Variants in G3BP1 observed in about 807,000 individuals in gnomAD.
The protein encoded by G3BP1 is G3BP stress granule assembly factor 1.
Under a neutral mutation model 58.6 loss-of-function variants are expected in G3BP1, and 35 were observed. The ratio of observed to expected loss-of-function variants is 0.60; its 90% CI spans 0.46 to 0.79. The LOEUF is 0.79. G3BP1 is among the 30% of genes least tolerant of loss of function. The pLI is 0.00. For missense variants in G3BP1, 523 were observed against 580.8 expected (o/e 0.90, Z 1.02); for synonymous variants, 191 against 195.4 (o/e 0.98, Z 0.19).
At chr5:151,800,908 TA>T (rs761058269) in intron 11 of G3BP1, 39 bp downstream of exon 11, 56 of 803,052 alleles carry the variant, frequency 7.0e-5, no homozygotes, top group South Asian at 2.8e-4. Flanking sequence ...TTTTTTTTTT[TA>T]AAAAGGGTTT....
At chr5:151,782,849 C>CTTTTTTT (rs796501774) in intron 1 of G3BP1, among the ~76,000 whole-genome samples, 1 of 73,896 alleles carries the variant, frequency 1.4e-5, no homozygotes, top group Non-Finnish European at 2.5e-5. Flanking sequence ...TGTGACTCAT[C>CTTTTTTT]TTTTTTTTTT....
At position 151,810,407 on chromosome 5, in the gene G3BP1, G is replaced by A. The variant is rs1225180369; in HGVS notation, c.*6316G>A. 3.3e-5 allele frequency: 5 copies of A among 152,202 alleles called. No homozygotes were observed. Among genetic ancestry groups the A allele is most frequent in the Non-Finnish European group, 5.9e-5 (4 of 68,024 alleles). The allele number at this position is 152,202 out of a possible 1,614,324, so 9.4% of individuals were successfully genotyped here. On this transcript the variant is annotated 3_prime_UTR_variant, in exon 12 of 12. Coordinates refer to ENST00000356245, the MANE Select transcript of G3BP1 (RefSeq NM_005754.3). The stretch of plus-strand genomic sequence containing the variant: ...TTCAACAGGAATGGGGAGTAGCCCC[G>A]TTTTGGGGCTGATCTGTCCAGAATT...
In G3BP1 at chr5:151,799,178, G is replaced by A. The variant is rs771912082; in HGVS notation, c.742-34G>A. On this transcript the variant is annotated intron_variant, in intron 7 of 11. Coordinates refer to ENST00000356245, the MANE Select transcript of G3BP1 (RefSeq NM_005754.3). Reference sequence around the variant, plus strand: ...AGCTTTTATATTGTTTTGATACCTGGTATAATTATGTAATGTTGGTATTGC... The same window carrying A: ...AGCTTTTATATTGTTTTGATACCTGATATAATTATGTAATGTTGGTATTGC... The A allele has an allele frequency of 4.0e-6, 4 of 987,896 alleles. No individual in the cohort carries two copies. The East Asian group carries it at 7.1e-5, about 18-fold the overall frequency. 61.2% of individuals were successfully genotyped at this position (987,896 alleles called of 1,614,324 possible).
intron 4 of G3BP1, among the ~76,000 whole-genome samples, chr5:151,793,527 T>C (rs968286580): frequency 6.6e-6 from 1 of 152,144 alleles, no homozygotes; most frequent in Non-Finnish European, 1.5e-5. Flanking sequence ...GCAAACAAAA[T>C]GTATGTGAGT....
At chr5:151,775,577 A>G (rs1225766222) in intron 1 of G3BP1, among the ~76,000 whole-genome samples, 2 of 152,360 alleles carry the variant, frequency 1.3e-5, no homozygotes, top group South Asian at 2.1e-4. Context: ...GGCTTCTCCC[A>G]TATGCTGTTT....
At chr5:151,793,149 C>A (rs1472114171) in intron 4 of G3BP1, among the ~76,000 whole-genome samples, 1 of 152,024 alleles carries the variant, frequency 6.6e-6, no homozygotes, top group South Asian at 2.1e-4. Flanking sequence ...TACTCTGTCG[C>A]CCAGGCTGGA....
chr5:151,774,923 C>G (rs1422629727), intron 1 of G3BP1, among the ~76,000 whole-genome samples: 1 of 130,460 alleles, frequency 7.7e-6, no homozygotes, highest in South Asian at 2.6e-4. Context: ...CAGAAATCAG[C>G]TATTTACTTT....
In G3BP1 at chr5:151,809,725, T is replaced by G. The variant is rs1395499976; in HGVS notation, c.*5634T>G. 6.6e-6 allele frequency: 1 copy of G among 152,210 alleles called. No individual in the cohort carries two copies. The highest frequency in any genetic ancestry group is 2.4e-5 in the African/African-American group (1 of 41,464). The allele number at this position is 152,210 out of a possible 1,614,324, so 9.4% of individuals were successfully genotyped here. A position where few individuals can be genotyped will look rare whatever the true frequency, so the allele number is the denominator to read the frequency against. Reference sequence around the variant, plus strand: ...AGAAGTAATATGGTGATCATCAGTTTAGATTCACTGTAGGAAGGGCAGCCC... The same window carrying G: ...AGAAGTAATATGGTGATCATCAGTTGAGATTCACTGTAGGAAGGGCAGCCC... On this transcript the variant is annotated 3_prime_UTR_variant, in exon 12 of 12. Transcript: ENST00000356245.
intron 7 of G3BP1, among the ~76,000 whole-genome samples, chr5:151,797,830 T>G (rs529780438): frequency 1.9e-3 from 284 of 152,376 alleles, no homozygotes; most frequent in Non-Finnish European, 2.5e-3. Flanking sequence ...TGAAATTTTA[T>G]TGAAGATAAC....
rs754355249 is a variant in G3BP1 at position 151,797,209 on chromosome 5, C to G, written c.540-18C>G. Reference sequence around the variant, plus strand: ...TAAATGGTGGCAGAATGATATTTCTCAAATTTTCCTGTCAAAGTAATGACA... The same window carrying G: ...TAAATGGTGGCAGAATGATATTTCTGAAATTTTCCTGTCAAAGTAATGACA... On this transcript the variant is annotated intron_variant, in intron 6 of 11. Transcript: ENST00000356245. 2.5e-6 allele frequency: 4 copies of G among 1,611,352 alleles called. No homozygotes were observed. The highest frequency in any genetic ancestry group is 3.4e-6 in the Non-Finnish European group (4 of 1,178,488).
chr5:151,789,626 C>G (rs143008281), intron 2 of G3BP1, among the ~76,000 whole-genome samples: 46 of 152,316 alleles, frequency 3.0e-4, no homozygotes, highest in African/African-American at 1.1e-3. Context: ...CACGCTTATT[C>G]TCAGATACAT....
At chr5:151,795,310 C>A (rs1423858734) in intron 5 of G3BP1, among the ~76,000 whole-genome samples, 169 bp from the exon 6 acceptor site, 1 of 152,160 alleles carries the variant, frequency 6.6e-6, no homozygotes, top group East Asian at 1.9e-4. Context: ...GTCTGTTCTT[C>A]AAAGCCTTAG....
At position 151,786,722 on chromosome 5, in the gene G3BP1, C is replaced by T. The variant is rs776398743; in HGVS notation, c.95+7C>T. 7.9e-6 allele frequency: 12 copies of T among 1,511,044 alleles called. No homozygotes were observed. Among genetic ancestry groups the T allele is most frequent in the Non-Finnish European group, 1.1e-5 (12 of 1,086,114 alleles). The allele number at this position is 1,511,044 out of a possible 1,614,324, so 93.6% of individuals were successfully genotyped here. ...CCCCAGACATGCTGCATAGGTAAGACATTTTTCTCCTGCATCATCTAATGC... is the reference window on the plus strand; with the variant it reads ...CCCCAGACATGCTGCATAGGTAAGATATTTTTCTCCTGCATCATCTAATGC... On this transcript the variant is annotated splice_region_variant and intron_variant, in intron 2 of 11. Coordinates refer to ENST00000356245, the MANE Select transcript of G3BP1 (RefSeq NM_005754.3).
In G3BP1 at chr5:151,799,940, C is replaced by A. The variant is rs770384260; in HGVS notation, c.895C>A (p.Arg299=). 1.2e-6 allele frequency: 2 copies of A among 1,613,490 alleles called. No individual in the cohort carries two copies. The highest frequency in any genetic ancestry group is 2.2e-5 in the South Asian group (2 of 91,076). The change falls in exon 9 of 12, where the codon CGG becomes AGG. Residue 299 remains arginine (R), a synonymous_variant. Transcript: ENST00000356245. ...ESQIPPQRPQ[R]DQRVREQRIN... is the part of the protein sequence containing the mutation. ...TCAGATTCCACCACAAAGACCTCAG[C>A]GGGATCAAAGAGTGCGAGAACAACG...
In G3BP1 at chr5:151,790,921, C is replaced by A; in HGVS notation, c.210C>A (p.Phe70Leu). The change falls in exon 4 of 12, where the codon TTC (phenylalanine) becomes TTA (leucine). Residue 70 changes from phenylalanine to leucine, a missense_variant. Physicochemically the swap from Phe to Leu is conservative, Grantham distance 22 (BLOSUM62 0). Transcript: ENST00000356245. Reference protein sequence around the residue: ...EIHRKVMSQNFTNCHTKIRHV... With the variant: ...EIHRKVMSQNLTNCHTKIRHV... ...ACAGGAAAGTGATGTCACAAAACTT[C>A]ACCAACTGCCACACCAAGATTCGCC... is the stretch of plus-strand genomic sequence containing the variant. 6.2e-7 allele frequency: 1 copy of A among 1,606,260 alleles called. No homozygotes were observed. The highest frequency in any genetic ancestry group is 8.5e-7 in the Non-Finnish European group (1 of 1,174,988).
intron 1 of G3BP1, among the ~76,000 whole-genome samples, chr5:151,783,093 G>A (rs1375279219): frequency 6.6e-6 from 1 of 151,886 alleles, no homozygotes; most frequent in Non-Finnish European, 1.5e-5. Context: ...TCCTGACCTC[G>A]TGATCCGCCT....
intron 11 of G3BP1, among the ~76,000 whole-genome samples, chr5:151,802,965 A>G (rs1006377221): frequency 6.6e-6 from 1 of 152,102 alleles, no homozygotes; most frequent in Non-Finnish European, 1.5e-5. Context: ...TTTGAATAGA[A>G]CACTTCCGCG....
intron 1 of G3BP1, among the ~76,000 whole-genome samples, chr5:151,781,606 T>C (rs1239186999): frequency 6.6e-6 from 1 of 152,208 alleles, no homozygotes; most frequent in Non-Finnish European, 1.5e-5. Flanking sequence ...AGTTATGACA[T>C]TACAAGGAAA....
intron 1 of G3BP1, among the ~76,000 whole-genome samples, chr5:151,781,305 T>C (rs1762466109): frequency 6.6e-6 from 1 of 152,220 alleles, no homozygotes; most frequent in African/African-American, 2.4e-5. Context: ...AAGTTATAAC[T>C]GCATAAAATG....
Sources: gnomAD v4.1 joint callset for allele counts (sites outside exome capture counted in the v4.1 genomes callset) on GRCh38, gnomAD v4.1.1 for gene constraint, MANE v1.5 for transcripts, NCBI Gene and HGNC (gene_info 2026-07-23, HGNC 2026-07-21) for gene names.